Variants in MYH15 observed in about 807,000 individuals in gnomAD.
The protein encoded by MYH15 is myosin heavy chain 15, also known as myosin-15.
Under a neutral mutation model 240.5 loss-of-function variants are expected in MYH15, and 227 were observed. That is an observed-to-expected ratio of 0.94 (90% CI 0.85 to 1.05). MYH15 has a LOEUF of 1.05. Ranked by LOEUF, MYH15 falls within the 50% of genes least tolerant of loss-of-function variation. MYH15 has a pLI of 0.00. For synonymous variants in MYH15, 785 were observed against 796.7 expected, an observed-to-expected ratio of 0.99 and a Z score of 0.25; for missense variants, 2,217 against 2,247.5, an observed-to-expected ratio of 0.99 and a Z score of 0.27.
At chr3:108,403,496 C>CTTTTTT (rs34668097) in intron 33 of MYH15, among the ~76,000 whole-genome samples, 1 of 133,432 alleles carries the variant, frequency 7.5e-6, no homozygotes, top group South Asian at 2.4e-4. Context: ...TTGTGTTTGG[C>CTTTTTT]TTTTTTTTTT....
intron 1 of MYH15, among the ~76,000 whole-genome samples, chr3:108,524,516 T>A (rs1160080991): frequency 6.6e-6 from 1 of 152,086 alleles, no homozygotes; most frequent in East Asian, 1.9e-4. Flanking sequence ...TTGAATTCAC[T>A]TATGGTAACT....
chr3:108,410,693 G>A lies in MYH15; in HGVS notation c.4385C>T (p.Ser1462Phe), dbSNP rs770397276. The change falls in exon 31 of 41, where the codon TCT (serine) becomes TTT (phenylalanine). Residue 1462 changes from serine to phenylalanine, a missense_variant. Coordinates refer to ENST00000693548, the MANE Select transcript of MYH15 (RefSeq NM_014981.3). ...ACTGAGAGCCTGAACTTCCTTCTGA[G>A]AGGCATCCAGCAACGCCTGGGACTC... ...HEESQALLDA[S>F]QKEVQALSTE... The A allele has an allele frequency of 6.2e-7, 1 of 1,614,170 alleles. No individual in the cohort carries two copies. Among genetic ancestry groups the A allele is most frequent in the Non-Finnish European group, 8.5e-7 (1 of 1,180,038 alleles).
rs2083084974 is a variant in MYH15 at position 108,463,133 on chromosome 3, T to C, written c.1842A>G (p.Glu614=). The C allele has an allele frequency of 6.2e-6, 10 of 1,611,190 alleles. No individual in the cohort carries two copies. Among genetic ancestry groups the C allele is most frequent in the Non-Finnish European group, 8.5e-6 (10 of 1,179,126 alleles). The change falls in exon 16 of 41, where the codon GAA becomes GAG. Residue 614 remains glutamate (E), a synonymous_variant. Coordinates refer to ENST00000693548, the MANE Select transcript of MYH15 (RefSeq NM_014981.3). ...SSNRLLASLF[E]NYMSTDSAIP... The stretch of plus-strand genomic sequence containing the variant: ...CACCACTGTCAGTACTCATGTAATT[T>C]TCAAAAAGGCTCGCCAGGAGTCTGT...
At chr3:108,445,748 G>A (rs1404051553) in intron 21 of MYH15, among the ~76,000 whole-genome samples, 2 of 151,928 alleles carry the variant, frequency 1.3e-5, no homozygotes, top group African/African-American at 2.4e-5. Flanking sequence ...ACTATCTGAT[G>A]GAGACTATCA....
rs567814021 is a variant in MYH15 at position 108,420,525 on chromosome 3, C to A, written c.3829+563G>T. Among the ~76,000 whole-genome samples the A allele has an allele frequency of 1.3e-4, 20 of 152,204 alleles. No homozygotes were observed. In the South Asian group the frequency reaches 2.5e-3, roughly 19 times the overall value. ...TTCCAGGCAGAGTAAACAGCTAGGG[C>A]AAGACTCTAGGGTGGGAGTATGCCC... On this transcript the variant is annotated intron_variant, in intron 28 of 40. Transcript: ENST00000693548.
At chr3:108,454,249 T>G (rs971970619) in intron 20 of MYH15, 107 bp from the exon 21 acceptor site, 13 of 995,700 alleles carry the variant, frequency 1.3e-5, no homozygotes, top group Non-Finnish European at 1.8e-5. Context: ...ACTGTATCAA[T>G]TCCATTTCTT....
intron 6 of MYH15, among the ~76,000 whole-genome samples, chr3:108,497,536 A>C (rs1484401219): frequency 6.6e-6 from 1 of 152,122 alleles, no homozygotes; most frequent in African/African-American, 2.4e-5. Flanking sequence ...AAAATGAACA[A>C]GGATTTTTTT....
At chr3:108,389,928 AC>A (rs1305560249) in intron 37 of MYH15, among the ~76,000 whole-genome samples, 1 of 151,896 alleles carries the variant, frequency 6.6e-6, no homozygotes, top group Non-Finnish European at 1.5e-5. Flanking sequence ...AGCACATCTG[AC>A]CCCACCTCTT....
chr3:108,546,390 C>T, the MYH15 span, among the ~76,000 whole-genome samples: 1 of 152,124 alleles, frequency 6.6e-6, no homozygotes, highest in African/African-American at 2.4e-5. Context: ...CTTAGAATAA[C>T]AGTGAAGATA....
chr3:108,471,721 T>G lies in MYH15; in HGVS notation c.1234-874A>C, dbSNP rs144243675. Among the ~76,000 whole-genome samples, 917 of 152,304 alleles carry G rather than the reference T, an allele frequency of 6.0e-3. 8 individuals carry two copies. Among genetic ancestry groups the G allele is most frequent in the African/African-American group, 0.021 (882 of 41,556 alleles). On this transcript the variant is annotated intron_variant, in intron 12 of 40. Coordinates refer to ENST00000693548, the MANE Select transcript of MYH15 (RefSeq NM_014981.3). ...AATCCCCACTTATCCTTGTTTTACTTGCAGCTGAGCCCAGTATCTCTCCCC... is the reference window on the plus strand; with the variant it reads ...AATCCCCACTTATCCTTGTTTTACTGGCAGCTGAGCCCAGTATCTCTCCCC...
At chr3:108,415,229 G>T (rs978709117) in intron 29 of MYH15, among the ~76,000 whole-genome samples, 4 of 152,118 alleles carry the variant, frequency 2.6e-5, no homozygotes, top group African/African-American at 7.2e-5. Flanking sequence ...ACTAGATCCT[G>T]ACGGGTCCTC....
chr3:108,449,350 T>C (rs1219242085), intron 21 of MYH15, among the ~76,000 whole-genome samples: 2 of 151,952 alleles, frequency 1.3e-5, no homozygotes, highest in African/African-American at 2.4e-5. Context: ...CTACAAACTA[T>C]AGCAATCAAA....
At chr3:108,445,606 C>A (rs1353477881) in intron 21 of MYH15, among the ~76,000 whole-genome samples, 1 of 151,796 alleles carries the variant, frequency 6.6e-6, no homozygotes, top group Non-Finnish European at 1.5e-5. Context: ...AACCCAAGCA[C>A]CAGAAGTTCT....
the MYH15 span, among the ~76,000 whole-genome samples, chr3:108,548,907 G>A: frequency 6.6e-6 from 1 of 151,918 alleles, no homozygotes; most frequent in African/African-American, 2.4e-5. Context: ...AGACCCAAAT[G>A]GACACTGACC....
chr3:108,485,621 T>C (rs553978776), intron 10 of MYH15, among the ~76,000 whole-genome samples: 4 of 152,188 alleles, frequency 2.6e-5, no homozygotes, highest in African/African-American at 9.7e-5. Context: ...TCTGACTTTA[T>C]TCCAGAGGAG....
At position 108,451,914 on chromosome 3, in the gene MYH15, TTAAA is replaced by T. The variant is rs796771592; in HGVS notation, c.2399+2088_2399+2091del. The stretch of plus-strand genomic sequence containing the variant: ...TGTTTCAATAGATGCAGATAAATGA[TTAAA>T]TAATTTCCTGATAAAAATGCTTAAC... On this transcript the variant is annotated intron_variant, in intron 21 of 40. Coordinates refer to ENST00000693548, the MANE Select transcript of MYH15 (RefSeq NM_014981.3). Among the ~76,000 whole-genome samples, 16 of 150,968 alleles carry T rather than the reference TTAAA, an allele frequency of 1.1e-4. 2 individuals carry two copies. Among genetic ancestry groups the T allele is most frequent in the African/African-American group, 3.2e-4 (13 of 41,174 alleles).
chr3:108,501,567 A>T, intron 3 of MYH15, 145 bp downstream of exon 3: 1 of 997,328 alleles, frequency 1.0e-6, no homozygotes, highest in Non-Finnish European at 1.5e-6. Context: ...AAATGCTAAG[A>T]TAAGGTCCCT....
intron 21 of MYH15, among the ~76,000 whole-genome samples, chr3:108,451,370 A>T (rs1454133175): frequency 6.6e-6 from 1 of 152,078 alleles, no homozygotes; most frequent in Non-Finnish European, 1.5e-5. Flanking sequence ...ATAGAGAGAG[A>T]CTCTGTCTCA....
intron 1 of MYH15, among the ~76,000 whole-genome samples, chr3:108,527,307 C>G (rs1319098552): frequency 6.6e-6 from 1 of 152,108 alleles, no homozygotes; most frequent in African/African-American, 2.4e-5. Flanking sequence ...CCAGCCAGCC[C>G]TACAAAACAG....
Sources: gnomAD v4.1 joint callset for allele counts (sites outside exome capture counted in the v4.1 genomes callset) on GRCh38, gnomAD v4.1.1 for gene constraint, MANE v1.5 for transcripts, NCBI Gene and HGNC (gene_info 2026-07-23, HGNC 2026-07-21) for gene names.